The following MGST1 variants were observed in gnomAD, a reference collection of about 807,000 sequenced individuals.
MGST1 encodes glutathione S-transferase 12.
A neutral mutation model predicts 8.9 loss-of-function variants in MGST1; 5 were observed. That is an observed-to-expected ratio of 0.56 (90% CI 0.29 to 1.19). MGST1 has a LOEUF of 1.19. Ranked by LOEUF, MGST1 falls within the 50% of genes most tolerant of loss-of-function variation. The probability of loss-of-function intolerance (pLI) is 0.08; values close to 1 mark genes in which losing one functional copy is unlikely to be tolerated. For synonymous variants in MGST1, 54 were observed against 67.8 expected (o/e 0.80, Z 1.00); for missense variants, 182 against 187.4 (o/e 0.97, Z 0.17).
At chr12:16,567,050 G>C (rs1801794677) in intron 4 of MGST1, among the ~76,000 whole-genome samples, 1 of 152,114 alleles carries the variant, frequency 6.6e-6, no homozygotes, top group African/African-American at 2.4e-5. Context: ...TGAAAAATTA[G>C]CTGGGTGTGT....
At chr12:16,403,033 A>G (rs1940672036) in intron 1 of MGST1, among the ~76,000 whole-genome samples, 1 of 151,558 alleles carries the variant, frequency 6.6e-6, no homozygotes, top group South Asian at 2.1e-4. Flanking sequence ...AATCATTTTT[A>G]TCCTTTAAAC....
At chr12:16,491,732 G>A (rs1342772947) in intron 4 of MGST1, among the ~76,000 whole-genome samples, 1 of 152,108 alleles carries the variant, frequency 6.6e-6, no homozygotes, top group African/African-American at 2.4e-5. Flanking sequence ...ATTATGTTTA[G>A]CTATATTCTT....
intron 4 of MGST1, among the ~76,000 whole-genome samples, chr12:16,523,799 A>T (rs1194186071): frequency 1.3e-5 from 2 of 152,158 alleles, no homozygotes; most frequent in Admixed American, 6.6e-5. Context: ...ACTGAAACTG[A>T]CTATGAACAC....
chr12:16,472,367 T>C (rs911051982), intron 4 of MGST1, among the ~76,000 whole-genome samples: 44 of 151,948 alleles, frequency 2.9e-4, no homozygotes, highest in African/African-American at 1.0e-3. Flanking sequence ...ACTACAAAAA[T>C]CAAGAGTTTT....
rs555414023 is a variant in MGST1 at position 16,399,474 on chromosome 12, C to G, written n.778+15870C>G. On this transcript the variant is annotated intron_variant and non_coding_transcript_variant, in intron 1 of 1. Transcript: ENST00000359720. ...CTCCAGTTCATCCCAATCCTTTCCA[C>G]TCTCTTCTTCACTACCCAACGACTC... 9.0e-6 allele frequency: 14 copies of G among 1,553,596 alleles called. No individual in the cohort carries two copies. The Admixed American group carries it at 1.2e-4, about 13-fold the overall frequency.
intron 4 of MGST1, among the ~76,000 whole-genome samples, chr12:16,499,511 A>G (rs1318576135): frequency 1.3e-5 from 2 of 151,748 alleles, no homozygotes; most frequent in Non-Finnish European, 1.5e-5. Context: ...GATTTGGGGG[A>G]AAAAAAGTTT....
chr12:16,442,539 T>A (rs1464468852), downstream of MGST1, among the ~76,000 whole-genome samples: 1 of 151,862 alleles, frequency 6.6e-6, no homozygotes, highest in Non-Finnish European at 1.5e-5. The surrounding 1 kb of genome is among the most constrained non-coding windows in gnomAD (Gnocchi z 4.5). Context: ...TGCGGATGTC[T>A]ATTTGTTCCA....
At chr12:16,575,212 T>A (rs1002591220) in intron 4 of MGST1, among the ~76,000 whole-genome samples, 2 of 152,178 alleles carry the variant, frequency 1.3e-5, no homozygotes, top group Non-Finnish European at 2.9e-5. Flanking sequence ...AATTCATAAA[T>A]AAACCCATAT....
In MGST1 at chr12:16,548,186, G is replaced by A. The variant is rs1009913647; in HGVS notation, n.483-41342G>A. Among the ~76,000 whole-genome samples, 3 of 152,092 alleles carry A rather than the reference G, an allele frequency of 2.0e-5. No individual in the cohort carries two copies. Among genetic ancestry groups the A allele is most frequent in the Admixed American group, 6.6e-5 (1 of 15,256 alleles). ...TATTTTCCCCATAAAAATAAATAGC[G>A]GTAAACGACCTAGCGCAGAGATCCT... is the stretch of plus-strand genomic sequence containing the variant. On this transcript the variant is annotated intron_variant and non_coding_transcript_variant, in intron 4 of 4. Coordinates refer to the MGST1 transcript ENST00000538857. The surrounding 1 kb of genome is among the most constrained non-coding windows in gnomAD (Gnocchi z 4.2).
Position 16,401,302 on chromosome 12 carries a change from C to A in MGST1, n.778+17698C>A. 1 of 1,487,058 alleles carries A rather than the reference C, an allele frequency of 6.7e-7. No homozygotes were observed. 92.1% of individuals were successfully genotyped at this position (1,487,058 alleles called of 1,614,324 possible). On this transcript the variant is annotated intron_variant and non_coding_transcript_variant, in intron 1 of 1. Coordinates refer to the MGST1 transcript ENST00000359720. This position sits in a 1 kb window ranked among gnomAD's most constrained non-coding sequence, Gnocchi z 4.3. ...TCCCAAACTGATGCTGAAAACCATT[C>A]CTGTCTTCAGTTTGTATTGATTTTT...
At chr12:16,415,583 T>C (rs561559765) in intron 1 of MGST1, among the ~76,000 whole-genome samples, 11 of 152,348 alleles carry the variant, frequency 7.2e-5, no homozygotes, top group Non-Finnish European at 1.0e-4. Context: ...CTCTTCCTTA[T>C]GAATTTATTA....
chr12:16,561,495 T>C (rs371154335), intron 4 of MGST1, among the ~76,000 whole-genome samples: 1 of 152,256 alleles, frequency 6.6e-6, no homozygotes, highest in African/African-American at 2.4e-5. Flanking sequence ...ATGGCTCTCA[T>C]GGGAAAGACC....
intron 4 of MGST1, among the ~76,000 whole-genome samples, chr12:16,543,110 G>T (rs553706716): frequency 6.6e-6 from 1 of 152,062 alleles, no homozygotes; most frequent in Admixed American, 6.6e-5. Context: ...CAAGTGCAGG[G>T]ACTCTTCATT....
Position 16,445,102 on chromosome 12 carries a change from C to G in MGST1, n.482+61498C>G, listed in dbSNP as rs76273968. Among the ~76,000 whole-genome samples, 1,126 of 151,648 alleles carry G rather than the reference C, an allele frequency of 7.4e-3. 18 individuals are homozygous for G. Among genetic ancestry groups the G allele is most frequent in the East Asian group, 0.061 (310 of 5,076 alleles). On this transcript the variant is annotated intron_variant and non_coding_transcript_variant, in intron 4 of 4. Transcript: ENST00000538857. ...CCGCAGGGATTTTTTGTACAGCATC[C>G]TGGGCTTGCTGTCTAGCCCTTTTCT...
intron 4 of MGST1, among the ~76,000 whole-genome samples, chr12:16,468,498 ATCT>A (rs1209615452): frequency 6.6e-6 from 1 of 152,194 alleles, no homozygotes; most frequent in Non-Finnish European, 1.5e-5. Flanking sequence ...CATCTTACAC[ATCT>A]TCTACATCAC....
At chr12:16,588,828 C>T (rs112344123) in intron 4 of MGST1, among the ~76,000 whole-genome samples, 3 of 152,142 alleles carry the variant, frequency 2.0e-5, no homozygotes, top group African/African-American at 7.2e-5. Flanking sequence ...CTTCAATCTT[C>T]TCCTCATGTT....
rs974311798 is a variant in MGST1, at chr12:16,353,727, A to G, written c.-22-504A>G. On this transcript the variant is annotated intron_variant, in intron 1 of 3. Coordinates refer to ENST00000396210, the MANE Select transcript of MGST1 (RefSeq NM_020300.5). ...GCTTGATGTCTTCAAGCTAAATAAT[A>G]TAGAACTAGATAAAATATAATATTG... is the stretch of plus-strand genomic sequence containing the variant. Among the ~76,000 whole-genome samples, 11 of 145,878 alleles carry G rather than the reference A, an allele frequency of 7.5e-5. No homozygotes were observed. The South Asian group carries it at 9.1e-4, about 12-fold the overall frequency.
intron 1 of MGST1, among the ~76,000 whole-genome samples, chr12:16,424,487 A>G (rs1358342572): frequency 6.6e-6 from 1 of 152,190 alleles, no homozygotes; most frequent in African/African-American, 2.4e-5. Context: ...ATGTTTGAAC[A>G]TTTGAGTTGA....
intron 2 of MGST1, among the ~76,000 whole-genome samples, chr12:16,357,184 C>T (rs1289639170): frequency 6.6e-6 from 1 of 152,156 alleles, no homozygotes; most frequent in Non-Finnish European, 1.5e-5. Flanking sequence ...AATGGGCCAA[C>T]CTGGATGTCT....
Sources: allele counts gnomAD v4.1 joint callset (sites outside exome capture counted in the v4.1 genomes callset), GRCh38; gene constraint gnomAD v4.1.1; non-coding constraint Gnocchi (gnomAD v3.1); transcripts MANE v1.5; gene names NCBI Gene and HGNC (gene_info 2026-07-23, HGNC 2026-07-21).